Variants in CACNB2 observed in about 807,000 individuals in gnomAD.
CACNB2 encodes the protein calcium voltage-gated channel auxiliary subunit beta 2, also known as voltage-dependent L-type calcium channel subunit beta-2.
In CACNB2, 42 loss-of-function variants were observed where a neutral mutation model predicts 73.3. That is an observed-to-expected ratio of 0.57 (90% CI 0.45 to 0.74). The LOEUF (loss-of-function observed/expected upper bound fraction) is 0.74. CACNB2 is among the 30% of genes least tolerant of loss of function. The pLI is 0.00. For missense variants in CACNB2, 940 were observed against 853.0 expected (o/e 1.10, Z -1.27); for synonymous variants, 348 against 310.3 (o/e 1.12, Z -1.28).
At chr10:18,149,558 C>T (rs2031321799) in intron 1 of CACNB2, among the ~76,000 whole-genome samples, 2 of 152,170 alleles carry the variant, frequency 1.3e-5, no homozygotes, top group Non-Finnish European at 2.9e-5. Context: ...GCAAATTCGT[C>T]TAAATTACTC....
intron 4 of CACNB2, among the ~76,000 whole-genome samples, chr10:18,500,430 T>A (rs2133034171): frequency 6.6e-6 from 1 of 152,326 alleles, no homozygotes; most frequent in African/African-American, 2.4e-5. Context: ...TTTCTCTCAA[T>A]AATTCCAATT....
intron 2 of CACNB2, among the ~76,000 whole-genome samples, chr10:18,374,318 T>A (rs1460503446): frequency 6.6e-6 from 1 of 152,178 alleles, no homozygotes; most frequent in African/African-American, 2.4e-5. Context: ...AGATCACCTT[T>A]CAAAGGCCGA....
intron 3 of CACNB2, among the ~76,000 whole-genome samples, chr10:18,476,351 A>G (rs959755036): frequency 6.6e-6 from 1 of 152,208 alleles, no homozygotes; most frequent in Non-Finnish European, 1.5e-5. Context: ...GAAGCAACAA[A>G]AGCAGAGATT....
chr10:18,497,444 G>A (rs2049905300), intron 3 of CACNB2, among the ~76,000 whole-genome samples: 1 of 151,818 alleles, frequency 6.6e-6, no homozygotes, highest in Admixed American at 6.6e-5. Context: ...TTTTGAGACA[G>A]GGACTGACTT....
rs897032316 is a variant in CACNB2 at position 18,203,350 on chromosome 10, G to GA, written c.213+52380dup. The stretch of plus-strand genomic sequence containing the variant: ...GCTGTGAAAAGTGACCCCTCTATCT[G>GA]AAAAAGGGTTTTGTACCTTGGCTGG... On this transcript the variant is annotated intron_variant, in intron 2 of 13. Transcript: ENST00000324631. Among the ~76,000 whole-genome samples, 7 of 152,066 alleles carry GA rather than the reference G, an allele frequency of 4.6e-5. No individual in the cohort carries two copies. The East Asian group carries it at 7.7e-4, about 17-fold the overall frequency.
intron 2 of CACNB2, among the ~76,000 whole-genome samples, chr10:18,288,357 T>C (rs2038893412): frequency 6.6e-6 from 1 of 152,232 alleles, no homozygotes; most frequent in African/African-American, 2.4e-5. Flanking sequence ...CATACAACTC[T>C]CTTCTAACAC....
intron 3 of CACNB2, among the ~76,000 whole-genome samples, chr10:18,490,933 C>T (rs757780455): frequency 2.0e-5 from 3 of 152,134 alleles, no homozygotes; most frequent in Non-Finnish European, 4.4e-5. Flanking sequence ...ACCTCAGTTA[C>T]ATTTGGCCTT....
intron 3 of CACNB2, among the ~76,000 whole-genome samples, chr10:18,496,836 GA>G (rs1329574760): frequency 6.5e-5 from 9 of 139,390 alleles, no homozygotes; most frequent in African/African-American, 1.9e-4. Context: ...AAAAAAAAAG[GA>G]AAAAAAGAAA....
intron 2 of CACNB2, chr10:18,400,566 CT>C (rs1242770876): frequency 3.9e-6 from 4 of 1,021,554 alleles, no homozygotes; most frequent in East Asian, 9.5e-5. Context: ...CGCCTCCCCC[CT>C]CCCCCTCGAG....
At chr10:18,171,682 G>A (rs2033258203) in intron 2 of CACNB2, among the ~76,000 whole-genome samples, 8 of 151,678 alleles carry the variant, frequency 5.3e-5, no homozygotes, top group Admixed American at 5.3e-4. Context: ...GTTTGGACAA[G>A]GATGAAGCAC....
At chr10:18,317,764 C>G (rs2131932797) in intron 2 of CACNB2, among the ~76,000 whole-genome samples, 1 of 152,260 alleles carries the variant, frequency 6.6e-6, no homozygotes, top group East Asian at 1.9e-4. Flanking sequence ...TTGAAAATTT[C>G]TGACATTTAT....
rs1238820275 is a variant in CACNB2, at chr10:18,521,088, C to G, written c.944+2120C>G. Reference sequence around the variant, plus strand: ...ATTTTGAATGAACGTCTGCTGCATACTCTCTGCTAGAGAAATGCGGAGATG... The same window carrying G: ...ATTTTGAATGAACGTCTGCTGCATAGTCTCTGCTAGAGAAATGCGGAGATG... On this transcript the variant is annotated intron_variant, in intron 9 of 13. Coordinates refer to ENST00000324631, the MANE Select transcript of CACNB2 (RefSeq NM_201596.3). 2.0e-5 allele frequency among the ~76,000 whole-genome samples: 3 copies of G among 152,368 alleles called. No individual in the cohort carries two copies. In the East Asian group the frequency reaches 5.8e-4, roughly 29 times the overall value.
intron 2 of CACNB2, among the ~76,000 whole-genome samples, chr10:18,216,003 G>C (rs1431110598): frequency 6.6e-6 from 1 of 151,964 alleles, no homozygotes; most frequent in African/African-American, 2.4e-5. Flanking sequence ...TTAATTTAAA[G>C]TAAGTCTTGA....
chr10:18,293,668 T>C (rs1288607196), intron 2 of CACNB2, among the ~76,000 whole-genome samples: 1 of 152,210 alleles, frequency 6.6e-6, no homozygotes, highest in East Asian at 1.9e-4. Context: ...CATAGTTTCA[T>C]TTCCTCAGGT....
chr10:18,316,757 T>G (rs1039831617), intron 2 of CACNB2, among the ~76,000 whole-genome samples: 1 of 152,158 alleles, frequency 6.6e-6, no homozygotes, highest in Non-Finnish European at 1.5e-5. Context: ...CCACCAGACC[T>G]GGTCCCTAGG....
chr10:18,494,574 G>A (rs769757252), intron 3 of CACNB2, among the ~76,000 whole-genome samples: 2 of 150,240 alleles, frequency 1.3e-5, no homozygotes, highest in Non-Finnish European at 1.5e-5. Context: ...GGAGTTTGCA[G>A]TGAGCCGAGA....
At chr10:18,460,861 G>A (rs2047535152) in intron 3 of CACNB2, among the ~76,000 whole-genome samples, 1 of 148,422 alleles carries the variant, frequency 6.7e-6, no homozygotes, top group Non-Finnish European at 1.5e-5. Context: ...CTGCACTCCA[G>A]CCTGGGTGAA....
chr10:18,266,497 G>A (rs561341435), intron 2 of CACNB2, among the ~76,000 whole-genome samples: 30 of 151,682 alleles, frequency 2.0e-4, no homozygotes, highest in African/African-American at 7.1e-4. Flanking sequence ...TTTCTGGTTA[G>A]TAGAATGTAG....
chr10:18,340,695 A>G (rs2041195871), intron 2 of CACNB2: 3 of 1,413,162 alleles, frequency 2.1e-6, no homozygotes, highest in Non-Finnish European at 2.8e-6. Flanking sequence ...GACTTTGATG[A>G]GCTCCTCTGC....
Sources: allele counts gnomAD v4.1 joint callset (sites outside exome capture counted in the v4.1 genomes callset), GRCh38; gene constraint gnomAD v4.1.1; transcripts MANE v1.5; gene names NCBI Gene and HGNC (gene_info 2026-07-23, HGNC 2026-07-21).